Variants in RANBP2 observed in about 807,000 individuals in gnomAD.
RANBP2 encodes RAN binding protein 2.
Under a neutral mutation model 303.6 loss-of-function variants are expected in RANBP2, and 57 were observed. The observed-to-expected ratio is 0.19, with a 90% CI of 0.15 to 0.23. The LOEUF is 0.23. Ranked by LOEUF, RANBP2 falls within the 10% of genes least tolerant of loss-of-function variation. The pLI is 1.00. For synonymous variants in RANBP2, 1,167 were observed against 1,301.5 expected (o/e 0.90, Z 2.23); for missense variants, 3,138 against 3,780.8 (o/e 0.83, Z 4.46).
the RANBP2 span, chr2:109,665,840 A>T: frequency 6.6e-6 from 1 of 151,848 alleles, no homozygotes; most frequent in Non-Finnish European, 1.5e-5. Flanking sequence ...GGCCGGGTGC[A>T]GTGGCTCATG....
the RANBP2 span, among the ~76,000 whole-genome samples, chr2:109,308,111 C>T: frequency 4.9e-4 from 71 of 145,152 alleles, 1 homozygote; most frequent in African/African-American, 1.7e-3. Flanking sequence ...TAATGATTGC[C>T]ATTCTAACTG....
chr2:109,460,932 G>A, the RANBP2 span, among the ~76,000 whole-genome samples: 6 of 152,202 alleles, frequency 3.9e-5, no homozygotes, highest in Non-Finnish European at 8.8e-5. Context: ...CAGTGCTGCA[G>A]CTGCCCACTT....
At chr2:109,392,929 T>C in the RANBP2 span, among the ~76,000 whole-genome samples, 1 of 152,190 alleles carries the variant, frequency 6.6e-6, no homozygotes, top group African/African-American at 2.4e-5. Context: ...GGGGTGCCTA[T>C]GAGGAGGGCG....
At chr2:108,886,938 T>C in the RANBP2 span, among the ~76,000 whole-genome samples, 1 of 152,204 alleles carries the variant, frequency 6.6e-6, no homozygotes, top group African/African-American at 2.4e-5. Flanking sequence ...TTGCCTGTGC[T>C]TTTGAGGTCT....
chr2:109,371,802 C>T, the RANBP2 span: 3 of 821,396 alleles, frequency 3.7e-6, no homozygotes, highest in Admixed American at 4.3e-5. Flanking sequence ...CCACAATAGC[C>T]TCTGGCCAGA....
rs1262299635 is a variant in RANBP2, at chr2:108,766,165, G to A, written c.5626G>A (p.Gly1876Ser). The A allele has an allele frequency of 1.9e-6, 3 of 1,612,470 alleles. No homozygotes were observed. The highest frequency in any genetic ancestry group is 2.7e-5 in the African/African-American group (2 of 74,838). The change falls in exon 20 of 29, where the codon GGT becomes AGT. Residue 1876 changes from glycine to serine, a missense_variant. Coordinates refer to ENST00000283195, the MANE Select transcript of RANBP2 (RefSeq NM_006267.5). ...AAATTCACCTTCATTTATGTTTCAG[G>A]GTTCTTCTAATACAGAATTTAAGTC... ...QENSPSFMFQ[G>S]SSNTEFKSTK... is the part of the protein sequence containing the mutation.
At chr2:109,073,641 C>T in the RANBP2 span, among the ~76,000 whole-genome samples, 1 of 149,122 alleles carries the variant, frequency 6.7e-6, no homozygotes, top group African/African-American at 2.4e-5. Flanking sequence ...TGCACTCAGG[C>T]CTGGGCAACA....
the RANBP2 span, among the ~76,000 whole-genome samples, chr2:109,115,685 G>C: frequency 6.6e-6 from 1 of 152,282 alleles, no homozygotes; most frequent in Non-Finnish European, 1.5e-5. Context: ...GATGTTAGCT[G>C]GTTATTTTGC....
the RANBP2 span, among the ~76,000 whole-genome samples, chr2:109,415,563 C>T: frequency 0.034 from 5,218 of 152,194 alleles, 172 homozygotes; most frequent in African/African-American, 0.088. Flanking sequence ...TGGGCTCCCT[C>T]GCACTTCCTG....
chr2:109,572,240 C>T, the RANBP2 span, among the ~76,000 whole-genome samples: 8 of 152,084 alleles, frequency 5.3e-5, no homozygotes, highest in Non-Finnish European at 1.2e-4. Context: ...ATGCCATTCT[C>T]CTGCCTCAGT....
the RANBP2 span, among the ~76,000 whole-genome samples, chr2:109,066,593 G>C: frequency 6.6e-6 from 1 of 152,138 alleles, no homozygotes; most frequent in Admixed American, 6.5e-5. Flanking sequence ...GCTGCCCACA[G>C]GTCAATTCCG....
At chr2:109,721,421 G>A in the RANBP2 span, among the ~76,000 whole-genome samples, 4 of 152,182 alleles carry the variant, frequency 2.6e-5, no homozygotes, top group Non-Finnish European at 5.9e-5. Flanking sequence ...CGCTGGGCAT[G>A]CATAAAAAAT....
the RANBP2 span, among the ~76,000 whole-genome samples, chr2:109,468,887 G>C: frequency 1.4e-5 from 2 of 147,200 alleles, no homozygotes; most frequent in Non-Finnish European, 3.0e-5. Flanking sequence ...GTTAAATTCA[G>C]AGCTGCTTCT....
chr2:109,290,980 G>C, the RANBP2 span, among the ~76,000 whole-genome samples: 1 of 152,238 alleles, frequency 6.6e-6, no homozygotes, highest in Non-Finnish European at 1.5e-5. Flanking sequence ...GTACATAGTA[G>C]GTGCACATTA....
chr2:109,455,171 C>T, the RANBP2 span, among the ~76,000 whole-genome samples: 1 of 152,170 alleles, frequency 6.6e-6, no homozygotes, highest in Non-Finnish European at 1.5e-5. Context: ...TGGTGGCCTC[C>T]TAGTCCCTGG....
At chr2:109,348,448 G>A in the RANBP2 span, among the ~76,000 whole-genome samples, 1 of 152,200 alleles carries the variant, frequency 6.6e-6, no homozygotes, top group East Asian at 1.9e-4. Flanking sequence ...GGGCCACCCT[G>A]GTGCGTAGGG....
At chr2:108,837,903 G>A in the RANBP2 span, among the ~76,000 whole-genome samples, 2 of 151,842 alleles carry the variant, frequency 1.3e-5, no homozygotes, top group South Asian at 2.1e-4. Context: ...CTCAACTTAT[G>A]AGGTGTCTAT....
At chr2:109,649,394 CT>C in the RANBP2 span, among the ~76,000 whole-genome samples, 1 of 151,790 alleles carries the variant, frequency 6.6e-6, no homozygotes, top group African/African-American at 2.4e-5. Flanking sequence ...TTATGAATTT[CT>C]TTTTCTTTTT....
the RANBP2 span, among the ~76,000 whole-genome samples, chr2:108,991,803 T>G: frequency 3.3e-5 from 5 of 152,154 alleles, no homozygotes; most frequent in Admixed American, 6.5e-5. Flanking sequence ...GATTTTAAAT[T>G]TGTGTCTTTT....
Sources: allele counts gnomAD v4.1 joint callset (sites outside exome capture counted in the v4.1 genomes callset), GRCh38; gene constraint gnomAD v4.1.1; transcripts MANE v1.5; gene names NCBI Gene and HGNC (gene_info 2026-07-23, HGNC 2026-07-21).